The following CDK8 variants were observed in gnomAD, a reference collection of about 807,000 sequenced individuals.
CDK8 encodes the protein cyclin-dependent kinase 8.
In CDK8, 29 loss-of-function variants were observed where a neutral mutation model predicts 71.5. The observed-to-expected ratio is 0.41, with a 90% CI of 0.30 to 0.55. The LOEUF (loss-of-function observed/expected upper bound fraction) is 0.55. CDK8 is among the 20% of genes least tolerant of loss of function. The pLI is 0.37. For missense variants in CDK8, 288 were observed against 572.6 expected, an observed-to-expected ratio of 0.50 and a Z score of 5.07; for synonymous variants, 161 against 192.1, an observed-to-expected ratio of 0.84 and a Z score of 1.34.
At chr13:26,372,909 C>A (rs2138030672) in intron 4 of CDK8, among the ~76,000 whole-genome samples, 1 of 152,252 alleles carries the variant, frequency 6.6e-6, no homozygotes, top group African/African-American at 2.4e-5. Flanking sequence ...TGCAACTAGA[C>A]CCTGCAGTGC....
intron 1 of CDK8, among the ~76,000 whole-genome samples, chr13:26,319,932 T>A (rs1239510681): frequency 6.6e-6 from 1 of 152,152 alleles, no homozygotes; most frequent in Non-Finnish European, 1.5e-5. Context: ...TATGGTCAAA[T>A]GATTTTTTTA....
chr13:26,402,173 G>A (rs1876293411), intron 12 of CDK8, among the ~76,000 whole-genome samples: 1 of 152,188 alleles, frequency 6.6e-6, no homozygotes, highest in Non-Finnish European at 1.5e-5. Flanking sequence ...ACTCTGGGAG[G>A]TTAAGTGTTG....
In CDK8 at chr13:26,282,030, TA is replaced by T. The variant is rs200213850; in HGVS notation, c.128+27270del. On this transcript the variant is annotated intron_variant, in intron 1 of 12. Transcript: ENST00000381527. The stretch of plus-strand genomic sequence containing the variant: ...TCAGACAAAGACAGAGCAAAAAGAA[TA>T]AAAAAAAAGAACAAAGCCTCCACAA... Among the ~76,000 whole-genome samples the T allele has an allele frequency of 2.2e-3, 323 of 149,406 alleles. 3 individuals carry two copies. The highest frequency in any genetic ancestry group is 3.4e-3 in the Middle Eastern group (1 of 292).
intron 1 of CDK8, among the ~76,000 whole-genome samples, chr13:26,267,754 A>G (rs1257690759): frequency 6.6e-6 from 1 of 152,200 alleles, no homozygotes; most frequent in East Asian, 1.9e-4. Flanking sequence ...AACTGCAATA[A>G]ATGTCCTTTG....
chr13:26,320,647 C>T (rs969960465), intron 1 of CDK8, among the ~76,000 whole-genome samples: 2 of 152,090 alleles, frequency 1.3e-5, no homozygotes, highest in Admixed American at 6.5e-5. Context: ...GGATTAATAA[C>T]CAGAATAAAT....
intron 1 of CDK8, among the ~76,000 whole-genome samples, chr13:26,288,710 A>G (rs907304141): frequency 1.3e-5 from 2 of 152,018 alleles, no homozygotes; most frequent in Non-Finnish European, 2.9e-5. Flanking sequence ...ACCCATGAAC[A>G]TGGTATAACC....
At chr13:26,292,006 T>A (rs1873326465) in intron 1 of CDK8, among the ~76,000 whole-genome samples, 1 of 152,270 alleles carries the variant, frequency 6.6e-6, no homozygotes, top group South Asian at 2.1e-4. Context: ...TTCAATTTTA[T>A]ATTAATTCTT....
At chr13:26,275,698 C>T (rs1487796005) in intron 1 of CDK8, among the ~76,000 whole-genome samples, 1 of 152,146 alleles carries the variant, frequency 6.6e-6, no homozygotes, top group Non-Finnish European at 1.5e-5. Context: ...CATTAACCCA[C>T]CATGTATCTC....
At chr13:26,340,557 G>T (rs1239383923) in intron 2 of CDK8, among the ~76,000 whole-genome samples, 13 of 152,070 alleles carry the variant, frequency 8.5e-5, no homozygotes, top group Non-Finnish European at 1.5e-5. Flanking sequence ...AGTTAAGAAT[G>T]AAATAATTCC....
intron 1 of CDK8, among the ~76,000 whole-genome samples, chr13:26,315,340 T>C (rs1033653296): frequency 6.6e-6 from 1 of 152,220 alleles, no homozygotes; most frequent in African/African-American, 2.4e-5. Flanking sequence ...CAGCTTTAAG[T>C]GAAAGGCTTC....
chr13:26,321,233 T>C (rs1024899259), intron 1 of CDK8, among the ~76,000 whole-genome samples: 4 of 152,140 alleles, frequency 2.6e-5, no homozygotes, highest in Admixed American at 6.5e-5. Flanking sequence ...TGACATACGA[T>C]ACAACCTGGA....
At position 26,283,162 on chromosome 13, in the gene CDK8, A is replaced by G. The variant is rs1474875969; in HGVS notation, c.128+28393A>G. Among the ~76,000 whole-genome samples, 6 of 152,352 alleles carry G rather than the reference A, an allele frequency of 3.9e-5. No homozygotes were observed. The East Asian group carries it at 1.2e-3, about 29-fold the overall frequency. On this transcript the variant is annotated intron_variant, in intron 1 of 12. Coordinates refer to ENST00000381527, the MANE Select transcript of CDK8 (RefSeq NM_001260.3). ...AGGTCATCAAGACAGAAAGTCAACA[A>G]AGAATGGACTTAAACTATACCATAG...
chr13:26,341,158 G>T (rs1424819934), intron 2 of CDK8, among the ~76,000 whole-genome samples: 1 of 152,100 alleles, frequency 6.6e-6, no homozygotes, highest in Admixed American at 6.5e-5. Flanking sequence ...ACAGAGTCTT[G>T]CTCTGTTGCC....
chr13:26,291,897 C>A (rs567043137), intron 1 of CDK8, among the ~76,000 whole-genome samples: 2 of 152,246 alleles, frequency 1.3e-5, no homozygotes, highest in African/African-American at 4.8e-5. Flanking sequence ...TCTGGGTTTA[C>A]TCCCTTATTT....
intron 4 of CDK8, among the ~76,000 whole-genome samples, chr13:26,371,555 A>G (rs150587207): frequency 2.0e-5 from 3 of 152,354 alleles, no homozygotes; most frequent in East Asian, 3.9e-4. Context: ...GTGAAAATAC[A>G]GCAGAGAACT....
In CDK8 at chr13:26,294,320, G is replaced by A. The variant is rs184295432; in HGVS notation, c.128+39551G>A. Among the ~76,000 whole-genome samples the A allele has an allele frequency of 2.1e-3, 320 of 152,106 alleles. 3 individuals are homozygous for A. Among genetic ancestry groups the A allele is most frequent in the Middle Eastern group, 0.01 (3 of 294 alleles). ...TCTACACACTATATTTTCTTTATCC[G>A]TTCATCTGTCGATGATTCTTATGTG... On this transcript the variant is annotated intron_variant, in intron 1 of 12. Coordinates refer to ENST00000381527, the MANE Select transcript of CDK8 (RefSeq NM_001260.3).
rs1222968916 is a variant in CDK8 at position 26,254,318 on chromosome 13, CG to C, written c.-322del. 6 of 278,576 alleles carry C rather than the reference CG, an allele frequency of 2.2e-5. No homozygotes were observed. Among genetic ancestry groups the C allele is most frequent in the Non-Finnish European group, 4.1e-5 (6 of 145,662 alleles). The allele number at this position is 278,576 out of a possible 1,614,324, so 17.3% of individuals were successfully genotyped here. On this transcript the variant is annotated 5_prime_UTR_variant, in exon 1 of 13. Coordinates refer to ENST00000381527, the MANE Select transcript of CDK8 (RefSeq NM_001260.3). The surrounding 1 kb of genome is among the most constrained non-coding windows in gnomAD (Gnocchi z 6.7). ...CAGAACGCGCGGCCGGAGAGAGCGG[CG>C]GAGCCGGCGCCCAGGGAGCCCGCGG...
Position 26,315,539 on chromosome 13 carries a change from T to C in CDK8, c.129-22028T>C, listed in dbSNP as rs544620881. ...GGATGTTCCTTCATTACTTTATCCATTTATGGCTATAATGAAGCTACCTAA... is the reference window on the plus strand; with the variant it reads ...GGATGTTCCTTCATTACTTTATCCACTTATGGCTATAATGAAGCTACCTAA... On this transcript the variant is annotated intron_variant, in intron 1 of 12. Transcript: ENST00000381527. Among the ~76,000 whole-genome samples the C allele has an allele frequency of 3.9e-5, 6 of 152,290 alleles. No individual in the cohort carries two copies. In the South Asian group the frequency reaches 1.2e-3, roughly 32 times the overall value.
intron 1 of CDK8, among the ~76,000 whole-genome samples, chr13:26,288,844 C>T (rs533863525): frequency 6.6e-6 from 1 of 152,204 alleles, no homozygotes; most frequent in Admixed American, 6.5e-5. Context: ...ACTGCAACCT[C>T]TGCCTCCTGG....
Sources: gnomAD v4.1 joint callset for allele counts (sites outside exome capture counted in the v4.1 genomes callset) on GRCh38, gnomAD v4.1.1 for gene constraint, Gnocchi (gnomAD v3.1) non-coding constraint, MANE v1.5 for transcripts, NCBI Gene and HGNC (gene_info 2026-07-23, HGNC 2026-07-21) for gene names.